CDKL4: variants seen among roughly 807,000 people sequenced by gnomAD.
CDKL4 encodes cyclin dependent kinase like 4.
A neutral mutation model predicts 42.0 loss-of-function variants in CDKL4; 44 were observed. The observed-to-expected ratio is 1.05, with a 90% CI of 0.82 to 1.35. CDKL4 has a LOEUF of 1.35. Ranked by LOEUF, CDKL4 falls within the 40% of genes most tolerant of loss-of-function variation. The probability of loss-of-function intolerance (pLI) is 0.00; values close to 1 mark genes in which losing one functional copy is unlikely to be tolerated. For synonymous variants in CDKL4, 120 were observed against 121.6 expected (o/e 0.99, Z 0.09); for missense variants, 393 against 369.9 (o/e 1.06, Z -0.51).
chr2:39,236,928 G>C (rs1679405962), intron 1 of CDKL4, among the ~76,000 whole-genome samples: 3 of 152,184 alleles, frequency 2.0e-5, no homozygotes, highest in African/African-American at 7.2e-5. Context: ...CCCAGGATCA[G>C]ATAGCATCAC....
intron 3 of CDKL4, among the ~76,000 whole-genome samples, chr2:39,217,424 T>C (rs946862390): frequency 2.0e-5 from 3 of 152,184 alleles, no homozygotes; most frequent in Non-Finnish European, 4.4e-5. Context: ...GAGGAAGACC[T>C]GATGCTGAAA....
intron 9 of CDKL4, chr2:39,178,429 G>A (rs17665998): frequency 0.25 from 190,933 of 767,312 alleles, 26,700 homozygotes; most frequent in Non-Finnish European, 0.29. Flanking sequence ...GGCAATGTTC[G>A]TCTACTTATT....
intron 4 of CDKL4, among the ~76,000 whole-genome samples, chr2:39,212,387 C>A (rs1677641977): frequency 6.6e-6 from 1 of 151,936 alleles, no homozygotes; most frequent in African/African-American, 2.4e-5. Context: ...GCACCCGCCA[C>A]CATGCCCGGC....
intron 4 of CDKL4, among the ~76,000 whole-genome samples, chr2:39,209,131 T>G (rs1348222546): frequency 1.4e-5 from 2 of 143,290 alleles, no homozygotes; most frequent in Non-Finnish European, 3.0e-5. Context: ...TGAGACTATC[T>G]CTACAAAAAA....
At chr2:39,170,227 G>A in the CDKL4 span, among the ~76,000 whole-genome samples, 5 of 131,352 alleles carry the variant, frequency 3.8e-5, no homozygotes, top group East Asian at 5.0e-4. Flanking sequence ...GTTAATTTTC[G>A]TATAAAACAA....
rs1055062094 is a variant in CDKL4, at chr2:39,243,862, C to T, written c.-57+9G>A. On this transcript the variant is annotated intron_variant, in intron 1 of 9. Transcript: ENST00000451199. ...CAGTTCCCCCGCCACCGGCAGAATC[C>T]GCACTTACTGCACCCACAGGGCGAC... Among the ~76,000 whole-genome samples the T allele has an allele frequency of 6.6e-6, 1 of 152,252 alleles. No individual in the cohort carries two copies. The highest frequency in any genetic ancestry group is 2.4e-5 in the African/African-American group (1 of 41,470).
intron 5 of CDKL4, among the ~76,000 whole-genome samples, chr2:39,203,230 T>C (rs1004501738): frequency 2.6e-5 from 4 of 152,194 alleles, no homozygotes. Flanking sequence ...AAAGAATGCA[T>C]ATTCATGAAA....
intron 4 of CDKL4, 129 bp from the exon 5 acceptor site, chr2:39,204,746 T>C: frequency 2.2e-6 from 1 of 454,720 alleles, no homozygotes; most frequent in African/African-American, 2.0e-5. Flanking sequence ...TTCACTTTTC[T>C]AAAAGAACTT....
chr2:39,189,187 G>A (rs1411643262), intron 6 of CDKL4, among the ~76,000 whole-genome samples: 2 of 152,188 alleles, frequency 1.3e-5, no homozygotes, highest in African/African-American at 4.8e-5. Context: ...GAGAGCCTGT[G>A]GGAAGAAATT....
intron 3 of CDKL4, among the ~76,000 whole-genome samples, chr2:39,223,234 T>C (rs145778331): frequency 4.3e-4 from 66 of 152,328 alleles, no homozygotes; most frequent in Non-Finnish European, 6.9e-4. Flanking sequence ...TCCAATATTT[T>C]TGTTATAAAT....
rs190293367 is a variant in CDKL4 at position 39,220,379 on chromosome 2, G to A, written c.290+5460C>T. 8.9e-4 allele frequency among the ~76,000 whole-genome samples: 135 copies of A among 152,192 alleles called. No homozygotes were observed. The Middle Eastern group carries it at 0.02, about 23-fold the overall frequency. On this transcript the variant is annotated intron_variant, in intron 3 of 9. Coordinates refer to ENST00000451199, the Ensembl canonical transcript of CDKL4. ...GGTCTCCAAACCTTAACTAAAGTCAGATCCCAGCATGACCCAGGGGGCCTA... is the reference window on the plus strand; with the variant it reads ...GGTCTCCAAACCTTAACTAAAGTCAAATCCCAGCATGACCCAGGGGGCCTA...
chr2:39,199,900 T>G (rs777178981), intron 5 of CDKL4, among the ~76,000 whole-genome samples: 2 of 152,106 alleles, frequency 1.3e-5, no homozygotes, highest in African/African-American at 4.8e-5. Context: ...AGGGAAAAGT[T>G]GAAAGCATTT....
intron 1 of CDKL4, among the ~76,000 whole-genome samples, chr2:39,230,794 C>T (rs1305179163): frequency 6.6e-6 from 1 of 152,054 alleles, no homozygotes; most frequent in African/African-American, 2.4e-5. Flanking sequence ...TTATTTTTAT[C>T]CAATTATACA....
At chr2:39,231,041 C>T (rs1005071633) in intron 1 of CDKL4, among the ~76,000 whole-genome samples, 2 of 152,126 alleles carry the variant, frequency 1.3e-5, no homozygotes, top group Non-Finnish European at 2.9e-5. Flanking sequence ...GAAACCCTGT[C>T]TCTACTAAAA....
intron 5 of CDKL4, among the ~76,000 whole-genome samples, chr2:39,202,244 AAAC>A (rs982446833): frequency 3.1e-4 from 6 of 19,614 alleles, no homozygotes; most frequent in Non-Finnish European, 1.8e-3. Flanking sequence ...GTCTCAAACA[AAAC>A]AAAACAAAAC....
chr2:39,215,471 A>G (rs1677860208), intron 3 of CDKL4, among the ~76,000 whole-genome samples: 1 of 152,186 alleles, frequency 6.6e-6, no homozygotes, highest in East Asian at 1.9e-4. Context: ...ATATTTTTCA[A>G]AAATCTGAAA....
chr2:39,207,754 A>C (rs1353134284), intron 4 of CDKL4, among the ~76,000 whole-genome samples: 1 of 152,192 alleles, frequency 6.6e-6, no homozygotes, highest in Non-Finnish European at 1.5e-5. Flanking sequence ...CAGGTAACAG[A>C]AGTTATTGAT....
intron 3 of CDKL4, among the ~76,000 whole-genome samples, chr2:39,224,858 C>T (rs937050517): frequency 6.6e-6 from 1 of 152,038 alleles, no homozygotes. Flanking sequence ...TGGAATCTGT[C>T]GTGTTATAGG....
At chr2:39,226,104 C>G in intron 2 of CDKL4, 144 bp from the exon 3 acceptor site, 4 of 676,274 alleles carry the variant, frequency 5.9e-6, no homozygotes, top group Non-Finnish European at 6.7e-6. Flanking sequence ...TTGCTTGAAT[C>G]TCTCTGGTGA....
Sources: gnomAD v4.1 joint callset for allele counts (sites outside exome capture counted in the v4.1 genomes callset) on GRCh38, gnomAD v4.1.1 for gene constraint, MANE v1.5 for transcripts, NCBI Gene and HGNC (gene_info 2026-07-23, HGNC 2026-07-21) for gene names.